The following PDGFA variants were observed in gnomAD, a reference collection of about 807,000 sequenced individuals.
PDGFA encodes platelet-derived growth factor subunit A.
In PDGFA, 9 loss-of-function variants were observed where a neutral mutation model predicts 25.6. That is an observed-to-expected ratio of 0.35 (90% confidence interval 0.21 to 0.61). PDGFA has a LOEUF of 0.61. Among genes scored for constraint, PDGFA ranks in the 20% least tolerant of loss-of-function variants. PDGFA has a pLI of 0.75. For synonymous variants in PDGFA, 133 were observed against 111.8 expected (o/e 1.19, Z -1.20); for missense variants, 242 against 272.8 (o/e 0.89, Z 0.79).
chr7:502,170 TG>T (rs1238437536), intron 4 of PDGFA, among the ~76,000 whole-genome samples: 1 of 152,072 alleles, frequency 6.6e-6, no homozygotes, highest in African/African-American at 2.4e-5. Context: ...TGCAGTGAGC[TG>T]GTATCACACC....
At chr7:519,633 C>T (rs1411412037), upstream of PDGFA, among the ~76,000 whole-genome samples, 2 of 145,794 alleles carry the variant, frequency 1.4e-5, no homozygotes, top group African/African-American at 4.9e-5. Context: ...CGCGCTCCGC[C>T]CTCCGCTCGC....
intron 4 of PDGFA, among the ~76,000 whole-genome samples, chr7:505,514 C>A (rs911215550): frequency 3.9e-5 from 6 of 152,220 alleles, no homozygotes; most frequent in Non-Finnish European, 4.4e-5. Flanking sequence ...ACAGCCACTC[C>A]CTGCGGGGGA....
intron 2 of PDGFA, among the ~76,000 whole-genome samples, chr7:516,730 ACT>A (rs1380965059): frequency 1.3e-5 from 2 of 152,036 alleles, no homozygotes; most frequent in Non-Finnish European, 1.5e-5. Flanking sequence ...CCGCAGCAAA[ACT>A]CTGTGCTTGC....
rs556394721 is a variant in PDGFA, at chr7:507,318, T to C, written c.453+3491A>G. On this transcript the variant is annotated intron_variant, in intron 4 of 5. Transcript: ENST00000402802. The stretch of plus-strand genomic sequence containing the variant: ...GCTGCAGGACACAGCCCTGAGGCCT[T>C]AGGACACCCTGTCCCGGCAGATGAG... 5.9e-5 allele frequency among the ~76,000 whole-genome samples: 9 copies of C among 152,290 alleles called. No individual in the cohort carries two copies. The East Asian group carries it at 1.7e-3, about 29-fold the overall frequency.
intron 2 of PDGFA, 54 bp from the exon 3 acceptor site, chr7:512,509 G>C: frequency 6.2e-7 from 1 of 1,611,390 alleles, no homozygotes; most frequent in Non-Finnish European, 8.5e-7. Flanking sequence ...GCTGTGCCCT[G>C]GGCCTGTCCA....
In PDGFA at chr7:517,705, T is replaced by A. The variant is rs1783171882; in HGVS notation, c.64-215A>T. 6.6e-6 allele frequency among the ~76,000 whole-genome samples: 1 copy of A among 151,430 alleles called. No homozygotes were observed. Among genetic ancestry groups the A allele is most frequent in the Admixed American group, 6.6e-5 (1 of 15,246 alleles). On this transcript the variant is annotated intron_variant, in intron 1 of 5. Coordinates refer to ENST00000402802, the Ensembl canonical transcript of PDGFA. The surrounding 1 kb of genome is among the most constrained non-coding windows in gnomAD (Gnocchi z 7.4). ...ACCCCAAATTCTCCACCCGCATCCA[T>A]GTTCCGCCCTTTGCAAAATCAAAGC... is the stretch of plus-strand genomic sequence containing the variant.
upstream of PDGFA, chr7:520,664 TC>T (rs1783331377): frequency 6.6e-6 from 1 of 152,246 alleles, no homozygotes; most frequent in African/African-American, 2.4e-5. Context: ...CGCGTCGGGA[TC>T]CGTGGGGCGC....
At chr7:509,112 C>A (rs1782691269) in intron 4 of PDGFA, among the ~76,000 whole-genome samples, 1 of 152,204 alleles carries the variant, frequency 6.6e-6, no homozygotes, top group Non-Finnish European at 1.5e-5. Flanking sequence ...AGGGCCTCAG[C>A]AACGCAAGAA....
rs562085541 is a variant in PDGFA, at chr7:512,702, C to G, written c.161-247G>C. Reference sequence around the variant, plus strand: ...AAAACGCCCCGTTAGCACAGAGGTCCCCACATTCAGGGGCCCGTGACGAAG... The same window carrying G: ...AAAACGCCCCGTTAGCACAGAGGTCGCCACATTCAGGGGCCCGTGACGAAG... On this transcript the variant is annotated intron_variant, in intron 2 of 5. Transcript: ENST00000402802. 3.5e-6 allele frequency: 5 copies of G among 1,412,640 alleles called. No individual in the cohort carries two copies. The East Asian group carries it at 1.4e-4, about 39-fold the overall frequency. The allele number at this position is 1,412,640 out of a possible 1,614,324, so 87.5% of individuals were successfully genotyped here. A position where few individuals can be genotyped will look rare whatever the true frequency, so the allele number is the denominator to read the frequency against.
At position 500,342 on chromosome 7, in the gene PDGFA, G is replaced by C; in HGVS notation, c.580+774C>G. 1 of 1,450,968 alleles carries C rather than the reference G, an allele frequency of 6.9e-7. No individual in the cohort carries two copies. The highest frequency in any genetic ancestry group is 2.3e-5 in the East Asian group (1 of 43,686). The allele number at this position is 1,450,968 out of a possible 1,614,324, so 89.9% of individuals were successfully genotyped here. A position where few individuals can be genotyped will look rare whatever the true frequency, so the allele number is the denominator to read the frequency against. ...CAGGGCCACATCCCCGCCGCACCCG[G>C]CGAGACAGGAAGCGTGATTTGCTGG... On this transcript the variant is annotated intron_variant, in intron 5 of 5. Coordinates refer to ENST00000402802, the Ensembl canonical transcript of PDGFA. This position sits in a 1 kb window ranked among gnomAD's most constrained non-coding sequence, Gnocchi z 5.0.
intron 4 of PDGFA, among the ~76,000 whole-genome samples, chr7:508,517 ACCACCACACTCCAG>A (rs1193206168): frequency 1.5e-5 from 2 of 132,310 alleles, no homozygotes; most frequent in Admixed American, 9.0e-5. Context: ...CCATGATCGC[ACCACCACACTCCAG>A]CCTGGGCAAC....
chr7:512,689 T>C (rs548675846), intron 2 of PDGFA: 496 of 1,451,420 alleles, frequency 3.4e-4, no homozygotes, highest in Non-Finnish European at 4.3e-4. Flanking sequence ...AACGCCCCGT[T>C]AGCACAGAGG....
chr7:504,968 C>T (rs903792314), intron 4 of PDGFA, among the ~76,000 whole-genome samples: 2 of 152,332 alleles, frequency 1.3e-5, no homozygotes, highest in South Asian at 2.1e-4. Flanking sequence ...CACGGCCGCT[C>T]GTCTGGGAAC....
In PDGFA at chr7:500,533, G is replaced by T; in HGVS notation, c.580+583C>A. 1 of 1,613,660 alleles carries T rather than the reference G, an allele frequency of 6.2e-7. No individual in the cohort carries two copies. The highest frequency in any genetic ancestry group is 1.7e-5 in the Admixed American group (1 of 60,018). ...AAAAGGGCAGGGCGGTGAGTGGGCC[G>T]AGGGACGGCCGTCGGGGTGAAGAAC... On this transcript the variant is annotated intron_variant, in intron 5 of 5. Transcript: ENST00000402802. This position sits in a 1 kb window ranked among gnomAD's most constrained non-coding sequence, Gnocchi z 5.0.
At chr7:513,310 G>T (rs1583156371) in intron 2 of PDGFA, 1 of 153,006 alleles carries the variant, frequency 6.5e-6, no homozygotes, top group East Asian at 1.9e-4. Context: ...CCACCCAGCT[G>T]CACACACCAC....
In PDGFA at chr7:500,331, C is replaced by T. The variant is rs1315982657; in HGVS notation, c.580+785G>A. The T allele has an allele frequency of 8.9e-6, 12 of 1,350,528 alleles. No individual in the cohort carries two copies. Among genetic ancestry groups the T allele is most frequent in the African/African-American group, 2.9e-5 (2 of 69,626 alleles). 83.7% of individuals were successfully genotyped at this position (1,350,528 alleles called of 1,614,324 possible). ...TCAAGGCCAATCAGGGCCACATCCC[C>T]GCCGCACCCGGCGAGACAGGAAGCG... On this transcript the variant is annotated intron_variant, in intron 5 of 5. Coordinates refer to ENST00000402802, the Ensembl canonical transcript of PDGFA. The surrounding 1 kb of genome is among the most constrained non-coding windows in gnomAD (Gnocchi z 5.0).
At chr7:516,296 T>C (rs1783097991) in intron 2 of PDGFA, among the ~76,000 whole-genome samples, 1 of 151,702 alleles carries the variant, frequency 6.6e-6, no homozygotes, top group African/African-American at 2.4e-5. Context: ...AAAATGGTTT[T>C]GGCATGAAAC....
chr7:498,359 G>T, exon 6 of PDGFA: 3 of 535,556 alleles, frequency 5.6e-6, no homozygotes, highest in South Asian at 2.9e-5. Context: ...GCTTCTTACT[G>T]CTTCACCGAG....
intron 2 of PDGFA, among the ~76,000 whole-genome samples, chr7:515,767 T>TC (rs1378104703): frequency 1.3e-5 from 2 of 150,876 alleles, no homozygotes; most frequent in Non-Finnish European, 3.0e-5. Context: ...GCATCCTTGT[T>TC]TTTTTCTGTT....
Sources: gnomAD v4.1 joint callset for allele counts (sites outside exome capture counted in the v4.1 genomes callset) on GRCh38, gnomAD v4.1.1 for gene constraint, Gnocchi (gnomAD v3.1) non-coding constraint, MANE v1.5 for transcripts, NCBI Gene and HGNC (gene_info 2026-07-23, HGNC 2026-07-21) for gene names.